PPFIA2: variants seen among roughly 807,000 people sequenced by gnomAD.
PPFIA2 encodes liprin-alpha-2.
Under a neutral mutation model 175.5 loss-of-function variants are expected in PPFIA2, and 46 were observed. The ratio of observed to expected loss-of-function variants is 0.26; its 90% CI spans 0.21 to 0.34. The LOEUF (loss-of-function observed/expected upper bound fraction) is 0.34, where lower values mean the gene tolerates loss of function less well. PPFIA2 is among the 10% of genes least tolerant of loss of function. The pLI is 1.00. For missense variants in PPFIA2, 1,179 were observed against 1,506.1 expected (o/e 0.78, Z 3.60); for synonymous variants, 568 against 511.4 (o/e 1.11, Z -1.49).
chr12:81,478,956 G>A (rs10735440), intron 4 of PPFIA2, among the ~76,000 whole-genome samples: 75,763 of 151,870 alleles, frequency 0.5, 19,212 homozygotes, highest in African/African-American at 0.57. Context: ...AGCTGAATTC[G>A]AGTCCTGAAT....
At position 81,445,794 on chromosome 12, in the gene PPFIA2, A is replaced by T. The variant is rs982653808; in HGVS notation, c.406-74T>A. ...AATACTTACAAATGACTTCCCCCTT[A>T]AATTATTGCAGGCTTACATAGTATC... On this transcript the variant is annotated intron_variant, in intron 5 of 32. Coordinates refer to ENST00000549396, the MANE Select transcript of PPFIA2 (RefSeq NM_003625.5). 2.1e-6 allele frequency: 3 copies of T among 1,404,834 alleles called. No individual in the cohort carries two copies. In the African/African-American group the frequency reaches 4.3e-5, roughly 20 times the overall value. 87.0% of individuals were successfully genotyped at this position (1,404,834 alleles called of 1,614,324 possible).
intron 5 of PPFIA2, among the ~76,000 whole-genome samples, chr12:81,455,461 T>C (rs2053416593): frequency 6.6e-6 from 1 of 152,182 alleles, no homozygotes; most frequent in Admixed American, 6.5e-5. Flanking sequence ...CTATTATGCA[T>C]GGTTGAAATC....
chr12:81,424,597 T>C (rs116948446), intron 7 of PPFIA2, among the ~76,000 whole-genome samples: 3 of 152,112 alleles, frequency 2.0e-5, no homozygotes, highest in African/African-American at 7.2e-5. Context: ...TCACATTCTT[T>C]AGCAATAGAA....
intron 4 of PPFIA2, among the ~76,000 whole-genome samples, chr12:81,557,073 A>G (rs1421829823): frequency 6.6e-6 from 1 of 151,672 alleles, no homozygotes; most frequent in African/African-American, 2.4e-5. Flanking sequence ...CATCAGCAGT[A>G]AAAGGAGGAA....
intron 4 of PPFIA2, among the ~76,000 whole-genome samples, chr12:81,504,936 T>A (rs958201132): frequency 6.6e-6 from 1 of 151,252 alleles, no homozygotes; most frequent in African/African-American, 2.4e-5. Flanking sequence ...TAAGTGGGAG[T>A]TGAACAATGA....
chr12:81,288,832 T>TC (rs1025287560), intron 24 of PPFIA2, among the ~76,000 whole-genome samples: 2 of 151,728 alleles, frequency 1.3e-5, no homozygotes, highest in African/African-American at 4.8e-5. Flanking sequence ...TATTTACACC[T>TC]CACTCTCTTT....
chr12:81,415,839 T>A (rs964070011), intron 7 of PPFIA2, among the ~76,000 whole-genome samples: 2 of 151,474 alleles, frequency 1.3e-5, no homozygotes, highest in Admixed American at 6.6e-5. Flanking sequence ...TTGTCATTGT[T>A]ATTAACATGT....
intron 4 of PPFIA2, among the ~76,000 whole-genome samples, chr12:81,585,146 T>C (rs1229089778): frequency 7.0e-6 from 1 of 143,630 alleles, no homozygotes; most frequent in Non-Finnish European, 1.5e-5. Flanking sequence ...AGAATAAATA[T>C]AGGGCACTTA....
At position 81,445,539 on chromosome 12, in the gene PPFIA2, C is replaced by A. The variant is rs773170404; in HGVS notation, c.570+17G>T. ...ACAGAAGTGTAGTTAAGCTTGAACT[C>A]TTTTTCCATACTATACCTTTTCATC... is the stretch of plus-strand genomic sequence containing the variant. On this transcript the variant is annotated intron_variant, in intron 6 of 32. Coordinates refer to ENST00000549396, the MANE Select transcript of PPFIA2 (RefSeq NM_003625.5). 6.2e-7 allele frequency: 1 copy of A among 1,607,352 alleles called. No individual in the cohort carries two copies.
intron 5 of PPFIA2, among the ~76,000 whole-genome samples, chr12:81,446,687 C>T (rs922770261): frequency 6.6e-6 from 1 of 151,994 alleles, no homozygotes; most frequent in Non-Finnish European, 1.5e-5. Context: ...GAAAATAAAG[C>T]AGAAATTACC....
At chr12:81,416,996 AC>A (rs1393573442) in intron 7 of PPFIA2, among the ~76,000 whole-genome samples, 2 of 151,776 alleles carry the variant, frequency 1.3e-5, no homozygotes, top group Non-Finnish European at 3.0e-5. Context: ...TTAATATATG[AC>A]TAAAAGTTTA....
chr12:81,743,243 C>G (rs561678864), intron 3 of PPFIA2, among the ~76,000 whole-genome samples: 1 of 150,860 alleles, frequency 6.6e-6, no homozygotes, highest in Non-Finnish European at 1.5e-5. Context: ...ACAGTGAAAC[C>G]CCATCTCTAC....
At chr12:81,705,672 A>G (rs928393073) in intron 3 of PPFIA2, among the ~76,000 whole-genome samples, 2 of 152,168 alleles carry the variant, frequency 1.3e-5, no homozygotes, top group African/African-American at 4.8e-5. Context: ...CTCCACACAG[A>G]GCCAAAGACC....
intron 4 of PPFIA2, among the ~76,000 whole-genome samples, chr12:81,465,756 T>C (rs1428748932): frequency 6.6e-6 from 1 of 152,120 alleles, no homozygotes; most frequent in Admixed American, 6.5e-5. Context: ...TTGAGAGATA[T>C]AAACAAAGCA....
chr12:81,686,110 C>T (rs1035583535), intron 3 of PPFIA2, among the ~76,000 whole-genome samples: 1 of 151,986 alleles, frequency 6.6e-6, no homozygotes, highest in Non-Finnish European at 1.5e-5. Context: ...GTAGGGAGAA[C>T]TTCTTGGCAT....
chr12:81,518,029 T>C (rs1244204819), intron 4 of PPFIA2, among the ~76,000 whole-genome samples: 1 of 152,080 alleles, frequency 6.6e-6, no homozygotes, highest in East Asian at 1.9e-4. Flanking sequence ...ACATGGCACA[T>C]GTATACATAT....
At chr12:81,757,233 G>A (rs750310645) in intron 2 of PPFIA2, among the ~76,000 whole-genome samples, 8 of 152,064 alleles carry the variant, frequency 5.3e-5, no homozygotes, top group Admixed American at 2.6e-4. Context: ...TGCACAGTCC[G>A]GAAGGCTATG....
intron 3 of PPFIA2, among the ~76,000 whole-genome samples, chr12:81,702,686 AGTT>A: frequency 6.6e-6 from 1 of 152,228 alleles, no homozygotes; most frequent in Admixed American, 6.5e-5. Flanking sequence ...TCTAAATTCC[AGTT>A]GTTATAGACT....
At chr12:81,281,570 A>C in intron 26 of PPFIA2, 120 bp from the exon 27 acceptor site, 1 of 629,548 alleles carries the variant, frequency 1.6e-6, no homozygotes, top group Middle Eastern at 3.3e-4. Flanking sequence ...CAAAGCAAAA[A>C]TAATATTCAG....
Sources: allele counts gnomAD v4.1 joint callset (sites outside exome capture counted in the v4.1 genomes callset), GRCh38; gene constraint gnomAD v4.1.1; transcripts MANE v1.5; gene names NCBI Gene and HGNC (gene_info 2026-07-23, HGNC 2026-07-21).